The following ZPBP2 variants were observed in gnomAD, a reference collection of about 807,000 sequenced individuals.
ZPBP2 encodes the protein zona pellucida-binding protein 2.
Under a neutral mutation model 37.5 loss-of-function variants are expected in ZPBP2, and 34 were observed. The observed-to-expected ratio is 0.91, with a 90% confidence interval of 0.69 to 1.21. The LOEUF (loss-of-function observed/expected upper bound fraction) is 1.21, where lower values mean the gene tolerates loss of function less well. Ranked by LOEUF, ZPBP2 falls within the 50% of genes most tolerant of loss-of-function variation. The pLI is 0.00. For missense variants in ZPBP2, 397 were observed against 413.5 expected, an observed-to-expected ratio of 0.96 and a Z score of 0.35; for synonymous variants, 143 against 138.4, an observed-to-expected ratio of 1.03 and a Z score of -0.23.
intron 2 of ZPBP2, 33 bp from the exon 3 acceptor site, chr17:39,870,660 TA>T (rs763196959): frequency 8.0e-7 from 1 of 1,255,728 alleles, no homozygotes; most frequent in Non-Finnish European, 1.1e-6. Context: ...TTTTGCTATA[TA>T]ATGTAGTTAT....
intron 2 of ZPBP2, among the ~76,000 whole-genome samples, chr17:39,870,394 G>T (rs1045995062): frequency 6.6e-6 from 1 of 152,102 alleles, no homozygotes; most frequent in Non-Finnish European, 1.5e-5. Context: ...ATTATGATTT[G>T]AGTGAGTTCT....
Position 39,876,879 on chromosome 17 carries a change from TA to T in ZPBP2, c.*71del. The T allele has an allele frequency of 6.3e-7, 1 of 1,581,740 alleles. No homozygotes were observed. The highest frequency in any genetic ancestry group is 1.1e-5 in the South Asian group (1 of 89,100). On this transcript the variant is annotated 3_prime_UTR_variant, in exon 8 of 8. Coordinates refer to ENST00000348931, the MANE Select transcript of ZPBP2 (RefSeq NM_199321.3). ...ATGATTTTCACATCCCAGAGCATCA[TA>T]GATAGTTCCATTAAGTAAAATCAGT...
At chr17:39,875,567 A>G (rs2063385661) in intron 7 of ZPBP2, 133 bp downstream of exon 7, 1 of 744,204 alleles carries the variant, frequency 1.3e-6, no homozygotes, top group Non-Finnish European at 1.9e-6. Flanking sequence ...TATTTAGCTA[A>G]AAGGAAGTAA....
At chr17:39,876,032 G>A (rs963403688) in intron 7 of ZPBP2, among the ~76,000 whole-genome samples, 1 of 151,412 alleles carries the variant, frequency 6.6e-6, no homozygotes, top group African/African-American at 2.4e-5. Context: ...AGCCTCCTGA[G>A]TAGCCAGGAT....
intron 2 of ZPBP2, 36 bp downstream of exon 2, chr17:39,868,650 G>A: frequency 6.2e-7 from 1 of 1,612,786 alleles, no homozygotes; most frequent in Non-Finnish European, 8.5e-7. Flanking sequence ...GCCCATTGGA[G>A]GGGCCGGAAC....
rs36095411 is a variant in ZPBP2, at chr17:39,875,612, T to A, written c.889+178T>A. 9.0e-3 allele frequency among the ~76,000 whole-genome samples: 1,360 copies of A among 151,500 alleles called. 11 individuals carry two copies. The highest frequency in any genetic ancestry group is 0.013 in the Non-Finnish European group (906 of 67,856). ...GCCCCAATTTTTTTTTTTTTTGTTT[T>A]TTTTGAGATAGAGTCTCACTCTTTC... is the stretch of plus-strand genomic sequence containing the variant. On this transcript the variant is annotated intron_variant, in intron 7 of 7. Coordinates refer to ENST00000348931, the MANE Select transcript of ZPBP2 (RefSeq NM_199321.3).
intron 1 of ZPBP2, 58 bp from the exon 2 acceptor site, chr17:39,868,491 C>T (rs577860139): frequency 1.2e-6 from 2 of 1,613,622 alleles, no homozygotes; most frequent in African/African-American, 2.7e-5. Context: ...CCTGCCCTGC[C>T]CGACTCTGAA....
chr17:39,872,265 TA>T lies in ZPBP2; in HGVS notation c.407-2del. On this transcript the variant is annotated splice_polypyrimidine_tract_variant and splice_region_variant and intron_variant, in intron 4 of 7. Coordinates refer to ENST00000348931, the MANE Select transcript of ZPBP2 (RefSeq NM_199321.3). ...TTCACTCTCATCTTTCTTTTTTTTT[TA>T]AAGCCTATCGGGAACCTGATTATTC... The T allele has an allele frequency of 1.9e-6, 3 of 1,564,566 alleles. No homozygotes were observed. Among genetic ancestry groups the T allele is most frequent in the African/African-American group, 1.4e-5 (1 of 72,236 alleles).
intron 4 of ZPBP2, 103 bp downstream of exon 4, chr17:39,871,728 A>T (rs912808661): frequency 2.2e-6 from 2 of 897,868 alleles, no homozygotes; most frequent in South Asian, 5.1e-5. Flanking sequence ...GGTGACTGTC[A>T]CCAATTATGA....
In ZPBP2 at chr17:39,877,570, C is replaced by CA. The variant is rs1363414009; in HGVS notation, c.*765dup. ...TCATACAGAATAGTTTCACCACCCT[C>CA]AAAATCCTGTGCTTCACTTATTTAT... On this transcript the variant is annotated 3_prime_UTR_variant, in exon 8 of 8. Coordinates refer to ENST00000348931, the MANE Select transcript of ZPBP2 (RefSeq NM_199321.3). 1 of 152,046 alleles carries CA rather than the reference C, an allele frequency of 6.6e-6. No individual in the cohort carries two copies. Among genetic ancestry groups the CA allele is most frequent in the Non-Finnish European group, 1.5e-5 (1 of 68,034 alleles). 9.4% of individuals were successfully genotyped at this position (152,046 alleles called of 1,614,324 possible).
chr17:39,868,867 A>G (rs1318055583), intron 2 of ZPBP2, among the ~76,000 whole-genome samples: 1 of 152,178 alleles, frequency 6.6e-6, no homozygotes, highest in Non-Finnish European at 1.5e-5. Flanking sequence ...CTCAGATGCC[A>G]TCTCACTTCC....
intron 6 of ZPBP2, among the ~76,000 whole-genome samples, chr17:39,874,364 G>A (rs967760672): frequency 6.6e-6 from 1 of 151,782 alleles, no homozygotes; most frequent in Non-Finnish European, 1.5e-5. Context: ...TATAATGAAC[G>A]CCCAATTATC....
rs1455893905 is a variant in ZPBP2, at chr17:39,873,095, G to A, written c.677G>A (p.Cys226Tyr). The change falls in exon 6 of 8, where the codon TGT (cysteine) becomes TAT (tyrosine). Residue 226 changes from cysteine (C) to tyrosine (Y), a missense_variant. Coordinates refer to ENST00000348931, the MANE Select transcript of ZPBP2 (RefSeq NM_199321.3). ...WKGACNGSVD[C>Y]EDTTNHNILQ... ...GGTGCTTGCAATGGATCTGTTGACTGTGAAGATACCACTAATCATAATATC... is the reference window on the plus strand; with the variant it reads ...GGTGCTTGCAATGGATCTGTTGACTATGAAGATACCACTAATCATAATATC... The A allele has an allele frequency of 1.2e-6, 2 of 1,611,606 alleles. No homozygotes were observed. The highest frequency in any genetic ancestry group is 2.2e-5 in the South Asian group (2 of 90,492).
chr17:39,872,555 A>G (rs1011416137), intron 5 of ZPBP2, 67 bp downstream of exon 5: 3 of 1,021,834 alleles, frequency 2.9e-6, no homozygotes, highest in Non-Finnish European at 4.1e-6. Flanking sequence ...CAAAATTACC[A>G]TATTAATATA....
Position 39,873,063 on chromosome 17 carries a change from G to A in ZPBP2, c.645G>A (p.Gly215=). 1.2e-6 allele frequency: 2 copies of A among 1,611,532 alleles called. No homozygotes were observed. The highest frequency in any genetic ancestry group is 1.7e-6 in the Non-Finnish European group (2 of 1,178,974). Residue 215 remains glycine (G), a synonymous_variant, in exon 6 of 8, where the codon GGG becomes GGA. Transcript: ENST00000348931. ...CTTCAGTTAATCCTTTTGCGCCGGG[G>A]TGGAAAGGTGCTTGCAATGGATCTG... ...IAFQVNPFAP[G]WKGACNGSVD... is the part of the protein sequence containing the mutation.
Position 39,871,642 on chromosome 17 carries a change from A to G in ZPBP2, c.406+17A>G. Reference sequence around the variant, plus strand: ...TGGTCTTTGGTAAGAATTTAGGCACATTTTAACTTATACATTTAGTTTGGA... The same window carrying G: ...TGGTCTTTGGTAAGAATTTAGGCACGTTTTAACTTATACATTTAGTTTGGA... On this transcript the variant is annotated intron_variant, in intron 4 of 7. Transcript: ENST00000348931. The G allele has an allele frequency of 4.0e-6, 6 of 1,517,412 alleles. No homozygotes were observed. Among genetic ancestry groups the G allele is most frequent in the Non-Finnish European group, 5.3e-6 (6 of 1,134,332 alleles). 94.0% of individuals were successfully genotyped at this position (1,517,412 alleles called of 1,614,324 possible). A position where few individuals can be genotyped will look rare whatever the true frequency, so the allele number is the denominator to read the frequency against.
Position 39,868,262 on chromosome 17 carries a change from C to A in ZPBP2, c.-93C>A, listed in dbSNP as rs80231911. 1 of 1,471,136 alleles carries A rather than the reference C, an allele frequency of 6.8e-7. No homozygotes were observed. Among genetic ancestry groups the A allele is most frequent in the Admixed American group, 1.8e-5 (1 of 57,014 alleles). 91.1% of individuals were successfully genotyped at this position (1,471,136 alleles called of 1,614,324 possible). A position where few individuals can be genotyped will look rare whatever the true frequency, so the allele number is the denominator to read the frequency against. On this transcript the variant is annotated 5_prime_UTR_variant, in exon 1 of 8. Transcript: ENST00000348931. ...GGGAGGCGACCCCGGCGTTCTGCTC[C>A]GCACTGTGGAGGAGGTGGGGAGGTG...
chr17:39,869,490 C>T (rs1357027511), intron 2 of ZPBP2, among the ~76,000 whole-genome samples: 4 of 150,228 alleles, frequency 2.7e-5, no homozygotes, highest in East Asian at 3.9e-4. Flanking sequence ...CTGGAACCTC[C>T]GCCTCCTGGG....
chr17:39,874,663 C>T (rs1012060922), intron 6 of ZPBP2, among the ~76,000 whole-genome samples: 1 of 151,814 alleles, frequency 6.6e-6, no homozygotes, highest in Non-Finnish European at 1.5e-5. Context: ...GAACTCGTGG[C>T]CTCAAGTGAT....
Sources: allele counts gnomAD v4.1 joint callset (sites outside exome capture counted in the v4.1 genomes callset), GRCh38; gene constraint gnomAD v4.1.1; transcripts MANE v1.5; gene names NCBI Gene and HGNC (gene_info 2026-07-23, HGNC 2026-07-21).